Variants in CADM1 observed in about 807,000 individuals in gnomAD.
The protein encoded by CADM1 is TSLC-1.
CADM1 carries 15 observed loss-of-function variants against 53.1 expected under a neutral mutation model. The ratio of observed to expected loss-of-function variants is 0.28; its 90% CI spans 0.19 to 0.44. The LOEUF (loss-of-function observed/expected upper bound fraction) is 0.44. Among genes scored for constraint, CADM1 ranks in the 20% least tolerant of loss-of-function variants. The pLI is 1.00. For synonymous variants in CADM1, 281 were observed against 243.0 expected (o/e 1.16, Z -1.45); for missense variants, 434 against 611.3 (o/e 0.71, Z 3.06).
At chr11:115,301,192 C>T (rs189691794) in intron 1 of CADM1, among the ~76,000 whole-genome samples, 31 of 152,116 alleles carry the variant, frequency 2.0e-4, no homozygotes, top group African/African-American at 7.2e-4. Context: ...CTGACTCACC[C>T]TCACAGAAGA....
rs1338445826 is a variant in CADM1 at position 115,329,461 on chromosome 11, A to G, written c.125-89041T>C. ...CCTGACCCCCCTCACAAGACATGCA[A>G]CAGGGGTGTGGCTCGTCTGTTGGGC... On this transcript the variant is annotated intron_variant, in intron 1 of 11. Transcript: ENST00000331581. 2.6e-5 allele frequency among the ~76,000 whole-genome samples: 4 copies of G among 152,236 alleles called. No individual in the cohort carries two copies. In the East Asian group the frequency reaches 5.8e-4, roughly 22 times the overall value.
At chr11:115,262,072 G>A (rs947660789) in intron 1 of CADM1, among the ~76,000 whole-genome samples, 1 of 151,646 alleles carries the variant, frequency 6.6e-6, no homozygotes, top group African/African-American at 2.4e-5. Flanking sequence ...AGCCACCGAA[G>A]ATATTTTTAC....
chr11:115,199,219 C>T lies in CADM1; in HGVS notation c.1079-781G>A, dbSNP rs184243534. Among the ~76,000 whole-genome samples the T allele has an allele frequency of 5.2e-3, 794 of 152,292 alleles. 5 individuals are homozygous for T. Among genetic ancestry groups the T allele is most frequent in the Non-Finnish European group, 8.8e-3 (599 of 68,024 alleles). On this transcript the variant is annotated intron_variant, in intron 8 of 11. Transcript: ENST00000331581. ...AGTTCACACAATCTGCCAAACGCTG[C>T]TTCTAATCATATGACATTCCAAAAA...
At chr11:115,482,449 A>G (rs1485744850) in intron 1 of CADM1, among the ~76,000 whole-genome samples, 1 of 152,202 alleles carries the variant, frequency 6.6e-6, no homozygotes, top group Non-Finnish European at 1.5e-5. Flanking sequence ...ACAAACACAT[A>G]CACACACAGA....
chr11:115,404,727 G>A (rs919236919), intron 1 of CADM1, among the ~76,000 whole-genome samples: 3 of 151,176 alleles, frequency 2.0e-5, no homozygotes, highest in African/African-American at 7.3e-5. Context: ...GCACTGTGGT[G>A]CACGCCTGTG....
chr11:115,392,478 C>A (rs1002441542), intron 1 of CADM1, among the ~76,000 whole-genome samples: 8 of 152,070 alleles, frequency 5.3e-5, no homozygotes, highest in Non-Finnish European at 1.0e-4. Context: ...AAACACCACA[C>A]AGACACACAT....
chr11:115,327,529 TTAAC>T, intron 1 of CADM1, among the ~76,000 whole-genome samples: 1 of 151,960 alleles, frequency 6.6e-6, no homozygotes, highest in African/African-American at 2.4e-5. Flanking sequence ...AGTTTTTTTT[TTAAC>T]TTAATTAAAA....
intron 1 of CADM1, among the ~76,000 whole-genome samples, chr11:115,391,140 G>T (rs554400551): frequency 6.6e-6 from 1 of 152,114 alleles, no homozygotes; most frequent in East Asian, 1.9e-4. Context: ...GTGAATTAGC[G>T]TCTAGAATCT....
intron 1 of CADM1, among the ~76,000 whole-genome samples, chr11:115,499,941 ATAAG>A (rs1270567628): frequency 2.0e-5 from 3 of 152,204 alleles, no homozygotes; most frequent in African/African-American, 4.8e-5. Flanking sequence ...ATATGTATAT[ATAAG>A]TATGTATATG....
At chr11:115,204,189 A>G (rs1422775783) in intron 8 of CADM1, among the ~76,000 whole-genome samples, 6 of 152,206 alleles carry the variant, frequency 3.9e-5, no homozygotes, top group Non-Finnish European at 5.9e-5. Context: ...CAAAATAAAC[A>G]CACATTGAAG....
intron 5 of CADM1, among the ~76,000 whole-genome samples, chr11:115,222,928 T>C (rs1941459357): frequency 6.6e-6 from 1 of 152,208 alleles, no homozygotes; most frequent in Admixed American, 6.5e-5. Flanking sequence ...AGATTTTCTG[T>C]ACAAGAATCT....
intron 1 of CADM1, among the ~76,000 whole-genome samples, chr11:115,264,526 A>C (rs953210340): frequency 1.3e-5 from 2 of 152,214 alleles, no homozygotes; most frequent in Non-Finnish European, 2.9e-5. Context: ...CTCTGCAAAA[A>C]TGAAGGTTTC....
intron 1 of CADM1, among the ~76,000 whole-genome samples, chr11:115,469,669 C>CT (rs554156174): frequency 0.83 from 83,373 of 100,422 alleles, 36,288 homozygotes; most frequent in East Asian, 0.96. Flanking sequence ...AACTTCTGGG[C>CT]TTTTTTTTTT....
intron 1 of CADM1, among the ~76,000 whole-genome samples, chr11:115,479,812 C>T (rs1245095737): frequency 7.2e-5 from 11 of 152,152 alleles, no homozygotes; most frequent in Admixed American, 7.2e-4. Flanking sequence ...CTTCTTAGTT[C>T]TTGTCTAGGC....
chr11:115,220,863 T>A (rs1241363062), intron 5 of CADM1, among the ~76,000 whole-genome samples: 1 of 152,192 alleles, frequency 6.6e-6, no homozygotes, highest in African/African-American at 2.4e-5. Flanking sequence ...AAATTTTCCA[T>A]TGAAGAGCCT....
chr11:115,426,725 G>GCC (rs1422589077), intron 1 of CADM1, among the ~76,000 whole-genome samples: 1 of 151,856 alleles, frequency 6.6e-6, no homozygotes, highest in African/African-American at 2.4e-5. Flanking sequence ...CCCCCTCTGG[G>GCC]CCCCTCCACA....
chr11:115,352,154 C>CA (rs1199723985), intron 1 of CADM1, among the ~76,000 whole-genome samples: 2 of 152,144 alleles, frequency 1.3e-5, no homozygotes, highest in African/African-American at 4.8e-5. Flanking sequence ...GTTACCATAA[C>CA]AAAATCTCTG....
chr11:115,304,625 AT>A (rs1305005857), intron 1 of CADM1, among the ~76,000 whole-genome samples: 1 of 152,036 alleles, frequency 6.6e-6, no homozygotes, highest in African/African-American at 2.4e-5. Context: ...TTTACTCCCT[AT>A]GCATTTCATC....
At chr11:115,191,471 T>C (rs1192895260) in intron 9 of CADM1, among the ~76,000 whole-genome samples, 1 of 152,222 alleles carries the variant, frequency 6.6e-6, no homozygotes, top group Non-Finnish European at 1.5e-5. Context: ...GAAAATCTGA[T>C]TCGCAAAATG....
Sources: gnomAD v4.1 joint callset for allele counts (sites outside exome capture counted in the v4.1 genomes callset) on GRCh38, gnomAD v4.1.1 for gene constraint, MANE v1.5 for transcripts, NCBI Gene and HGNC (gene_info 2026-07-23, HGNC 2026-07-21) for gene names.